Variants in STARD13 observed in about 807,000 individuals in gnomAD.
The protein encoded by STARD13 is StAR related lipid transfer domain containing 13.
Under a neutral mutation model 106.4 loss-of-function variants are expected in STARD13, and 62 were observed. That is an observed-to-expected ratio of 0.58 (90% CI 0.48 to 0.72). The LOEUF (loss-of-function observed/expected upper bound fraction) is 0.72, where lower values mean the gene tolerates loss of function less well. Ranked by LOEUF, STARD13 falls within the 30% of genes least tolerant of loss-of-function variation. STARD13 has a pLI of 0.00. For missense variants in STARD13, 1,387 were observed against 1,424.0 expected, an observed-to-expected ratio of 0.97 and a Z score of 0.42; for synonymous variants, 565 against 553.0, an observed-to-expected ratio of 1.02 and a Z score of -0.31.
the STARD13 span, among the ~76,000 whole-genome samples, chr13:33,614,167 G>A: frequency 6.6e-6 from 1 of 152,052 alleles, no homozygotes; most frequent in African/African-American, 2.4e-5. Context: ...GCTTCCTGAG[G>A]TAGAGCCCTT....
intron 7 of STARD13, among the ~76,000 whole-genome samples, chr13:33,119,096 G>A (rs1875852417): frequency 6.6e-6 from 1 of 152,110 alleles, no homozygotes; most frequent in Admixed American, 6.6e-5. Context: ...GCAGAGCAGA[G>A]CCCGGCAAGA....
chr13:33,248,593 C>T (rs1346841164), intron 1 of STARD13, among the ~76,000 whole-genome samples: 1 of 152,044 alleles, frequency 6.6e-6, no homozygotes, highest in Non-Finnish European at 1.5e-5. Context: ...CACACTGCTC[C>T]CCCATCCCTC....
At chr13:33,525,037 T>C in the STARD13 span, among the ~76,000 whole-genome samples, 1 of 152,172 alleles carries the variant, frequency 6.6e-6, no homozygotes, top group South Asian at 2.1e-4. Flanking sequence ...GATTATTTTC[T>C]TAGAGACAGG....
chr13:33,277,019 A>G (rs909068903), intron 1 of STARD13, among the ~76,000 whole-genome samples: 4 of 149,194 alleles, frequency 2.7e-5, no homozygotes, highest in Middle Eastern at 3.4e-3. Flanking sequence ...CAAGTTCTCC[A>G]TTTAGATTAT....
the STARD13 span, among the ~76,000 whole-genome samples, chr13:33,424,531 T>A: frequency 1.3e-5 from 2 of 152,280 alleles, no homozygotes; most frequent in East Asian, 3.9e-4. Context: ...AGTGACCAAG[T>A]AGGGGTTCAA....
intron 3 of STARD13, among the ~76,000 whole-genome samples, chr13:33,162,438 A>C (rs1182289074): frequency 6.6e-6 from 1 of 152,164 alleles, no homozygotes; most frequent in African/African-American, 2.4e-5. Flanking sequence ...AGCCAGCTTG[A>C]ATTTCTCCTC....
the STARD13 span, among the ~76,000 whole-genome samples, chr13:33,465,150 T>C: frequency 6.6e-6 from 1 of 152,092 alleles, no homozygotes; most frequent in African/African-American, 2.4e-5. Context: ...CTTTCTACCA[T>C]TTACCATGAT....
the STARD13 span, among the ~76,000 whole-genome samples, chr13:33,625,133 G>A: frequency 6.6e-6 from 1 of 152,214 alleles, no homozygotes; most frequent in Non-Finnish European, 1.5e-5. Flanking sequence ...CTAGGCACAA[G>A]AGTGAGTGGA....
the STARD13 span, among the ~76,000 whole-genome samples, chr13:33,382,848 T>C: frequency 2.6e-5 from 4 of 152,354 alleles, no homozygotes; most frequent in East Asian, 7.7e-4. Flanking sequence ...TTAGCTATTC[T>C]GTTGATAGCT....
chr13:33,526,190 CCTTATG>C, the STARD13 span, among the ~76,000 whole-genome samples: 1 of 151,938 alleles, frequency 6.6e-6, no homozygotes, highest in Non-Finnish European at 1.5e-5. Context: ...ATTAAACCAT[CCTTATG>C]CTTGTGAGAG....
chr13:33,483,737 T>C, the STARD13 span, among the ~76,000 whole-genome samples: 6 of 152,124 alleles, frequency 3.9e-5, no homozygotes, highest in Non-Finnish European at 8.8e-5. Context: ...GAGAGATGGA[T>C]TTGAGACTGA....
the STARD13 span, among the ~76,000 whole-genome samples, chr13:33,414,047 A>AAAAAAAAAAAG: frequency 1.2e-3 from 174 of 143,624 alleles, 2 homozygotes; most frequent in East Asian, 6.1e-3. Flanking sequence ...AAAAAAAAAA[A>AAAAAAAAAAAG]AAAGAAAAGA....
chr13:33,222,885 T>A (rs1888432684), intron 1 of STARD13, among the ~76,000 whole-genome samples: 1 of 152,250 alleles, frequency 6.6e-6, no homozygotes. Flanking sequence ...CTAACTGCTG[T>A]AATTCTTATT....
At chr13:33,384,151 C>T in the STARD13 span, among the ~76,000 whole-genome samples, 4 of 152,194 alleles carry the variant, frequency 2.6e-5, no homozygotes, top group Non-Finnish European at 5.9e-5. Context: ...GTGTCTTGTA[C>T]AATGAGGTCT....
chr13:33,226,095 C>T (rs1310487098), intron 1 of STARD13, among the ~76,000 whole-genome samples: 1 of 152,186 alleles, frequency 6.6e-6, no homozygotes, highest in Non-Finnish European at 1.5e-5. Context: ...GCAAGCCAGG[C>T]ATAGAGCCCT....
the STARD13 span, among the ~76,000 whole-genome samples, chr13:33,374,595 AG>A: frequency 6.6e-6 from 1 of 152,192 alleles, no homozygotes; most frequent in Non-Finnish European, 1.5e-5. Flanking sequence ...TATGGTGTTC[AG>A]GGGATGCAAA....
chr13:33,620,788 C>T, the STARD13 span, among the ~76,000 whole-genome samples: 1 of 149,998 alleles, frequency 6.7e-6, no homozygotes, highest in Admixed American at 6.6e-5. Flanking sequence ...ACAGAATATA[C>T]AAATATTTGT....
chr13:33,659,284 C>T, the STARD13 span, among the ~76,000 whole-genome samples: 1 of 149,260 alleles, frequency 6.7e-6, no homozygotes, highest in South Asian at 2.1e-4. Context: ...GGTGCCATCT[C>T]GTCTCACTGC....
At chr13:33,648,124 C>A in the STARD13 span, among the ~76,000 whole-genome samples, 4,665 of 152,156 alleles carry the variant, frequency 0.031, 77 homozygotes, top group African/African-American at 0.051. Flanking sequence ...GCCTACATGA[C>A]AAACAAGTAC....
Sources: gnomAD v4.1 joint callset for allele counts (sites outside exome capture counted in the v4.1 genomes callset) on GRCh38, gnomAD v4.1.1 for gene constraint, MANE v1.5 for transcripts, NCBI Gene and HGNC (gene_info 2026-07-23, HGNC 2026-07-21) for gene names.